The following RAB39A variants were observed in gnomAD, a reference collection of about 807,000 sequenced individuals.
RAB39A encodes the protein RAB39A, member RAS oncogene family.
Under a neutral mutation model 20.9 loss-of-function variants are expected in RAB39A, and 17 were observed. The ratio of observed to expected loss-of-function variants is 0.81; its 90% CI spans 0.56 to 1.22. RAB39A has a LOEUF of 1.22. Ranked by LOEUF, RAB39A falls within the 50% of genes most tolerant of loss-of-function variation. The probability of loss-of-function intolerance (pLI) is 0.00; values close to 1 mark genes in which losing one functional copy is unlikely to be tolerated. For missense variants in RAB39A, 234 were observed against 270.5 expected (o/e 0.87, Z 0.95); for synonymous variants, 99 against 103.4 (o/e 0.96, Z 0.26).
chr11:107,949,215 G>A (rs12222467), intron 1 of RAB39A, among the ~76,000 whole-genome samples: 15,857 of 152,044 alleles, frequency 0.1, 1,061 homozygotes, highest in East Asian at 0.2. Flanking sequence ...GGAGGCTGAG[G>A]CAGGAGAATT....
intron 1 of RAB39A, among the ~76,000 whole-genome samples, chr11:107,943,886 G>C (rs1861283669): frequency 6.6e-6 from 1 of 152,082 alleles, no homozygotes; most frequent in African/African-American, 2.4e-5. Flanking sequence ...CTTGAGGTCA[G>C]GAGTTCAAGA....
chr11:107,952,091 C>T (rs1425994416), intron 1 of RAB39A, among the ~76,000 whole-genome samples: 1 of 152,112 alleles, frequency 6.6e-6, no homozygotes, highest in Admixed American at 6.6e-5. Context: ...AGAGGAAAAT[C>T]AAACAGTTAA....
At chr11:107,940,784 A>G (rs928407054) in intron 1 of RAB39A, among the ~76,000 whole-genome samples, 2 of 152,120 alleles carry the variant, frequency 1.3e-5, no homozygotes, top group African/African-American at 2.4e-5. Flanking sequence ...CATCCTGGCC[A>G]ACGTGGTGAA....
chr11:107,946,372 A>G (rs993805115), intron 1 of RAB39A, among the ~76,000 whole-genome samples: 1 of 136,544 alleles, frequency 7.3e-6, no homozygotes, highest in African/African-American at 2.8e-5. Flanking sequence ...ATATATATAC[A>G]CACATATATA....
At chr11:107,934,929 CAAAAAAAAA>C (rs55682157) in intron 1 of RAB39A, among the ~76,000 whole-genome samples, 11 of 101,644 alleles carry the variant, frequency 1.1e-4, no homozygotes, top group East Asian at 6.2e-4. Context: ...GACTTCGTCT[CAAAAAAAAA>C]AAAAAAAAAA....
Position 107,928,627 on chromosome 11 carries a change from G to A in RAB39A, c.59G>A (p.Gly20Asp). The change falls in exon 1 of 2, where the codon GGC becomes GAC. Residue 20 changes from glycine to aspartate, a missense_variant. Transcript: ENST00000320578. The surrounding 1 kb of genome is among the most constrained non-coding windows in gnomAD (Gnocchi z 4.9). ...RLIVIGDSTV[G>D]KSCLLHRFTQ... is the part of the protein sequence containing the mutation. ...ATCGTGATCGGGGACTCCACCGTGGGCAAGTCCTGCCTCCTGCACCGCTTC... is the reference window on the plus strand; with the variant it reads ...ATCGTGATCGGGGACTCCACCGTGGACAAGTCCTGCCTCCTGCACCGCTTC... The A allele has an allele frequency of 6.2e-7, 1 of 1,604,728 alleles. No homozygotes were observed.
intron 1 of RAB39A, among the ~76,000 whole-genome samples, chr11:107,935,980 A>ACT (rs1405532106): frequency 7.5e-6 from 1 of 134,184 alleles, no homozygotes; most frequent in Non-Finnish European, 1.5e-5. Flanking sequence ...ATCCTGGCTT[A>ACT]CTGCAACCTC....
At chr11:107,949,487 A>G (rs1257751645) in intron 1 of RAB39A, among the ~76,000 whole-genome samples, 1 of 152,182 alleles carries the variant, frequency 6.6e-6, no homozygotes, top group African/African-American at 2.4e-5. Flanking sequence ...CCATATGGAA[A>G]CAAGCAGCAG....
intron 1 of RAB39A, among the ~76,000 whole-genome samples, chr11:107,937,135 T>C (rs1861202336): frequency 6.6e-6 from 1 of 152,122 alleles, no homozygotes; most frequent in Admixed American, 6.6e-5. Context: ...GCCAAATTCA[T>C]TTATTTATTT....
chr11:107,957,316 G>A (rs1002271028), intron 1 of RAB39A, among the ~76,000 whole-genome samples: 1 of 151,960 alleles, frequency 6.6e-6, no homozygotes, highest in Admixed American at 6.6e-5. Context: ...GATGGCATAA[G>A]CCTCAAAGGA....
chr11:107,960,078 C>G (rs1219376638), intron 1 of RAB39A, among the ~76,000 whole-genome samples: 1 of 152,062 alleles, frequency 6.6e-6, no homozygotes, highest in East Asian at 1.9e-4. Flanking sequence ...GGGGTGGTGG[C>G]ATGCGCCTAT....
intron 1 of RAB39A, among the ~76,000 whole-genome samples, chr11:107,930,360 TC>T (rs1344373915): frequency 6.6e-6 from 1 of 152,180 alleles, no homozygotes; most frequent in East Asian, 1.9e-4. Flanking sequence ...GATTGCCAAT[TC>T]CTTCACATGT....
chr11:107,938,331 G>T (rs1186028986), intron 1 of RAB39A, among the ~76,000 whole-genome samples: 1 of 133,374 alleles, frequency 7.5e-6, no homozygotes, highest in Non-Finnish European at 1.5e-5. Context: ...CTGCACTCCA[G>T]TCTGGGCAAT....
At chr11:107,955,296 C>CAAT (rs1159957429) in intron 1 of RAB39A, among the ~76,000 whole-genome samples, 1 of 152,020 alleles carries the variant, frequency 6.6e-6, no homozygotes, top group African/African-American at 2.4e-5. Context: ...TGCACGCGGC[C>CAAT]AAAAGCATGC....
chr11:107,929,189 A>G (rs1591238667), intron 1 of RAB39A, among the ~76,000 whole-genome samples: 1 of 151,996 alleles, frequency 6.6e-6, no homozygotes, highest in Non-Finnish European at 1.5e-5. Flanking sequence ...ACCCTCCTCC[A>G]AGCAGGCGCC....
rs1378692766 is a variant in RAB39A, at chr11:107,928,459, T to A, written c.-110T>A. 1 of 748,678 alleles carries A rather than the reference T, an allele frequency of 1.3e-6. No individual in the cohort carries two copies. Among genetic ancestry groups the A allele is most frequent in the East Asian group, 3.5e-5 (1 of 28,174 alleles). 46.4% of individuals were successfully genotyped at this position (748,678 alleles called of 1,614,324 possible). A position where few individuals can be genotyped will look rare whatever the true frequency, so the allele number is the denominator to read the frequency against. ...CAGGCGGCGGCCGCAGCCGCAGGAA[T>A]ATGCTGGAAGGCGGCGGGCGGGCGC... On this transcript the variant is annotated 5_prime_UTR_variant, in exon 1 of 2. Transcript: ENST00000320578. The surrounding 1 kb of genome is among the most constrained non-coding windows in gnomAD (Gnocchi z 4.9).
chr11:107,949,167 C>T (rs1861348384), intron 1 of RAB39A, among the ~76,000 whole-genome samples: 1 of 151,934 alleles, frequency 6.6e-6, no homozygotes, highest in Non-Finnish European at 1.5e-5. Context: ...CAAAAATTAG[C>T]TGGGTGTGGG....
At chr11:107,944,337 G>A (rs1861288764) in intron 1 of RAB39A, among the ~76,000 whole-genome samples, 1 of 152,150 alleles carries the variant, frequency 6.6e-6, no homozygotes, top group African/African-American at 2.4e-5. Flanking sequence ...TGCAGGAGAA[G>A]CTGGGGAATA....
chr11:107,947,807 CAAAAAAAAAAA>C (rs35694249), intron 1 of RAB39A, among the ~76,000 whole-genome samples: 13 of 80,226 alleles, frequency 1.6e-4, no homozygotes, highest in East Asian at 1.4e-3. Context: ...CATCAACAGG[CAAAAAAAAAAA>C]AAAAAAAAAA....
Sources: gnomAD v4.1 joint callset for allele counts (sites outside exome capture counted in the v4.1 genomes callset) on GRCh38, gnomAD v4.1.1 for gene constraint, Gnocchi (gnomAD v3.1) non-coding constraint, MANE v1.5 for transcripts, NCBI Gene and HGNC (gene_info 2026-07-23, HGNC 2026-07-21) for gene names.